PI4KA: variants seen among roughly 807,000 people sequenced by gnomAD.
PI4KA encodes PI4-kinase alpha.
Under a neutral mutation model 271.4 loss-of-function variants are expected in PI4KA, and 122 were observed. The observed-to-expected ratio is 0.45, with a 90% CI of 0.39 to 0.52. The LOEUF (loss-of-function observed/expected upper bound fraction) is 0.52, where lower values mean the gene tolerates loss of function less well. Ranked by LOEUF, PI4KA falls within the 20% of genes least tolerant of loss-of-function variation. The probability of loss-of-function intolerance (pLI) is 0.00; values close to 1 mark genes in which losing one functional copy is unlikely to be tolerated. For synonymous variants in PI4KA, 1,041 were observed against 1,078.8 expected, an observed-to-expected ratio of 0.96 and a Z score of 0.69; for missense variants, 1,969 against 2,769.1, an observed-to-expected ratio of 0.71 and a Z score of 6.48.
intron 19 of PI4KA, chr22:20,779,152 A>G (rs1002365136): frequency 1.6e-5 from 24 of 1,532,046 alleles, no homozygotes; most frequent in Non-Finnish European, 2.0e-5. Context: ...GATTCTCTTA[A>G]AGTCCATGAT....
chr22:20,725,632 G>A (rs1226780006), intron 42 of PI4KA: 4 of 417,214 alleles, frequency 9.6e-6, no homozygotes, highest in South Asian at 6.8e-5. Flanking sequence ...CAGTGGCTCA[G>A]GCCTATAATC....
intron 30 of PI4KA, among the ~76,000 whole-genome samples, chr22:20,743,294 G>A (rs750869696): frequency 2.0e-5 from 3 of 151,826 alleles, no homozygotes; most frequent in Admixed American, 6.6e-5. Context: ...ACAGGCATGC[G>A]CCACCACGCC....
chr22:20,810,496 G>A (rs930271289), intron 9 of PI4KA, among the ~76,000 whole-genome samples: 2 of 150,208 alleles, frequency 1.3e-5, no homozygotes, highest in Non-Finnish European at 3.0e-5. Flanking sequence ...GCGACAGAGC[G>A]AGACTCCATC....
chr22:20,748,445 A>C (rs758451674), intron 28 of PI4KA, among the ~76,000 whole-genome samples: 43 of 152,324 alleles, frequency 2.8e-4, no homozygotes, highest in Middle Eastern at 3.4e-3. Context: ...ACGAAGAACA[A>C]CACCTGTGTC....
chr22:20,856,092 G>A (rs1009403992), intron 1 of PI4KA, among the ~76,000 whole-genome samples: 2 of 152,212 alleles, frequency 1.3e-5, no homozygotes, highest in Non-Finnish European at 2.9e-5. Flanking sequence ...GACCAGCCTG[G>A]CCAATAGGGT....
At chr22:20,712,452 A>T (rs759863161) in intron 50 of PI4KA, 34 bp downstream of exon 50, 9 of 1,604,976 alleles carry the variant, frequency 5.6e-6, no homozygotes, top group Non-Finnish European at 6.8e-6. Context: ...TGGAGCACAC[A>T]CGACCTCCCC....
chr22:20,736,610 A>G (rs1928748469), intron 32 of PI4KA: 1 of 154,052 alleles, frequency 6.5e-6, no homozygotes, highest in African/African-American at 2.4e-5. Flanking sequence ...TGTGCATAAG[A>G]GGGAGTCAAA....
At chr22:20,759,402 C>CTTTTTTTTTTTTTTTTTTTTTTTTTTT (rs886192073) in intron 23 of PI4KA, among the ~76,000 whole-genome samples, 10 of 102,900 alleles carry the variant, frequency 9.7e-5, no homozygotes, top group African/African-American at 3.4e-4. Flanking sequence ...CTTTTCTTTT[C>CTTTTTTTTTTTTTTTTTTTTTTTTTTT]TTTTTTTTTT....
At chr22:20,792,745 A>G (rs1368223650) in intron 19 of PI4KA, among the ~76,000 whole-genome samples, 3 of 152,196 alleles carry the variant, frequency 2.0e-5, no homozygotes, top group African/African-American at 7.2e-5. Flanking sequence ...CATGCCAACA[A>G]CGTCCCCTGA....
chr22:20,789,227 T>A (rs1934473944), intron 19 of PI4KA, among the ~76,000 whole-genome samples: 1 of 152,214 alleles, frequency 6.6e-6, no homozygotes, highest in South Asian at 2.1e-4. Context: ...CTCAGTATCC[T>A]CATCTGTAAA....
chr22:20,729,079 G>A (rs1330234544), intron 39 of PI4KA, among the ~76,000 whole-genome samples: 2 of 152,192 alleles, frequency 1.3e-5, no homozygotes, highest in African/African-American at 2.4e-5. Flanking sequence ...ACCTCCCTAG[G>A]CTCCAGCTGC....
intron 1 of PI4KA, among the ~76,000 whole-genome samples, chr22:20,842,965 G>T (rs1476988832): frequency 2.0e-5 from 3 of 151,878 alleles, no homozygotes; most frequent in African/African-American, 7.3e-5. Flanking sequence ...AGGCGTGGCG[G>T]CATGCGTCTA....
intron 19 of PI4KA, among the ~76,000 whole-genome samples, chr22:20,779,016 A>G (rs1381370079): frequency 6.6e-6 from 1 of 152,180 alleles, no homozygotes; most frequent in Non-Finnish European, 1.5e-5. Flanking sequence ...GGGATGCCTG[A>G]GCTCCCAGGA....
Position 20,760,996 on chromosome 22 carries a change from C to T in PI4KA, c.2791+308G>A, listed in dbSNP as rs1166576501. ...TTTAAAAACCATGACTGCTCTCTGG[C>T]AACAGCAAGTTGCTGCAGGTCCATC... On this transcript the variant is annotated intron_variant, in intron 23 of 54. Coordinates refer to ENST00000255882, the MANE Select transcript of PI4KA (RefSeq NM_058004.4). Among the ~76,000 whole-genome samples the T allele has an allele frequency of 3.9e-5, 6 of 152,204 alleles. No individual in the cohort carries two copies. In the South Asian group the frequency reaches 1.2e-3, roughly 31 times the overall value.
chr22:20,829,497 T>C (rs2147739758), intron 3 of PI4KA, among the ~76,000 whole-genome samples: 1 of 152,094 alleles, frequency 6.6e-6, no homozygotes, highest in African/African-American at 2.4e-5. Flanking sequence ...TTCTGTGGAG[T>C]CACTGGTAAT....
intron 6 of PI4KA, 37 bp downstream of exon 6, chr22:20,819,604 T>G: frequency 2.5e-6 from 4 of 1,590,020 alleles, no homozygotes; most frequent in Non-Finnish European, 3.4e-6. Context: ...TAACAGGGTC[T>G]TTCTCCTCTG....
intron 8 of PI4KA, among the ~76,000 whole-genome samples, chr22:20,811,458 T>G (rs1920997483): frequency 6.6e-6 from 1 of 152,070 alleles, no homozygotes; most frequent in Non-Finnish European, 1.5e-5. Flanking sequence ...CTCCTTCCTC[T>G]CCGGGCCAGG....
intron 32 of PI4KA, among the ~76,000 whole-genome samples, chr22:20,740,061 CAAAAAAAA>C (rs59323542): frequency 1.4e-5 from 1 of 73,372 alleles, no homozygotes; most frequent in African/African-American, 5.0e-5. Flanking sequence ...GACCCCATCT[CAAAAAAAA>C]AAAAAAAAAA....
chr22:20,726,224 C>G (rs1469116973), intron 42 of PI4KA: 3 of 377,358 alleles, frequency 8.0e-6, no homozygotes, highest in Non-Finnish European at 9.5e-6. Flanking sequence ...GAAGCCTGGC[C>G]AGGCTGCCTA....
Sources: gnomAD v4.1 joint callset for allele counts (sites outside exome capture counted in the v4.1 genomes callset) on GRCh38, gnomAD v4.1.1 for gene constraint, MANE v1.5 for transcripts, NCBI Gene and HGNC (gene_info 2026-07-23, HGNC 2026-07-21) for gene names.